DCUN1D4: variants seen among roughly 807,000 people sequenced by gnomAD.
DCUN1D4 encodes the protein DCN1-like protein 4.
A neutral mutation model predicts 47.9 loss-of-function variants in DCUN1D4; 22 were observed. That is an observed-to-expected ratio of 0.46 (90% CI 0.33 to 0.66). DCUN1D4 has a LOEUF of 0.66. DCUN1D4 is among the 30% of genes least tolerant of loss of function. The pLI, the probability that DCUN1D4 is intolerant of heterozygous loss-of-function variation, is 0.02. For synonymous variants in DCUN1D4, 121 were observed against 112.2 expected, an observed-to-expected ratio of 1.08 and a Z score of -0.50; for missense variants, 301 against 340.8, an observed-to-expected ratio of 0.88 and a Z score of 0.92.
chr4:51,898,230 G>A (rs1168439098), intron 7 of DCUN1D4, among the ~76,000 whole-genome samples: 7 of 152,204 alleles, frequency 4.6e-5, no homozygotes, highest in Admixed American at 3.3e-4. Flanking sequence ...AGTGGGCTCC[G>A]CTAAGCAGGT....
chr4:51,842,266 C>T (rs1721725870), upstream of DCUN1D4, among the ~76,000 whole-genome samples: 1 of 152,122 alleles, frequency 6.6e-6, no homozygotes, highest in South Asian at 2.1e-4. Context: ...GCCCCCTGGA[C>T]TCGTCCATGT....
intron 1 of DCUN1D4, among the ~76,000 whole-genome samples, chr4:51,851,643 A>C (rs957540721): frequency 6.6e-6 from 1 of 152,026 alleles, no homozygotes; most frequent in Admixed American, 6.6e-5. Flanking sequence ...TGAGAGAAGG[A>C]AAGAGAAGTC....
At chr4:51,897,291 A>G (rs1245686877) in intron 7 of DCUN1D4, among the ~76,000 whole-genome samples, 1 of 152,192 alleles carries the variant, frequency 6.6e-6, no homozygotes, top group Non-Finnish European at 1.5e-5. Flanking sequence ...TTATCATATC[A>G]ACAAAGAGAT....
At chr4:51,847,738 G>A (rs779144680) in intron 1 of DCUN1D4, among the ~76,000 whole-genome samples, 18 of 151,722 alleles carry the variant, frequency 1.2e-4, no homozygotes, top group Non-Finnish European at 1.6e-4. Flanking sequence ...ATAGATGCAC[G>A]CCACTGCACC....
At position 51,886,604 on chromosome 4, in the gene DCUN1D4, A is replaced by G; in HGVS notation, c.380A>G (p.Lys127Arg). 6.2e-7 allele frequency: 1 copy of G among 1,614,052 alleles called. No homozygotes were observed. Among genetic ancestry groups the G allele is most frequent in the South Asian group, 1.1e-5 (1 of 91,076 alleles). Reference protein sequence around the residue: ...DDVVGPEGMEKFCEDIGVEPE... With the variant: ...DDVVGPEGMERFCEDIGVEPE... Reference sequence around the variant, plus strand: ...GTTGTAGGCCCTGAAGGCATGGAGAAATTTTGTGAAGACATTGGTGTTGAA... The same window carrying G: ...GTTGTAGGCCCTGAAGGCATGGAGAGATTTTGTGAAGACATTGGTGTTGAA... The change falls in exon 6 of 11, where the codon AAA becomes AGA. Residue 127 changes from lysine (K) to arginine (R), a missense_variant. This residue lies in a region of DCUN1D4 where 170 missense variants were observed against 234.5 expected (regional missense o/e 0.73). Coordinates refer to ENST00000334635, the MANE Select transcript of DCUN1D4 (RefSeq NM_001040402.3).
At chr4:51,878,084 A>G (rs1272751269) in intron 5 of DCUN1D4, 4 of 277,472 alleles carry the variant, frequency 1.4e-5, no homozygotes, top group African/African-American at 8.8e-5. Context: ...TGAAAAGATG[A>G]AATGACTTGG....
intron 5 of DCUN1D4, among the ~76,000 whole-genome samples, chr4:51,879,652 G>A (rs1187373851): frequency 1.3e-5 from 2 of 152,204 alleles, no homozygotes. Context: ...TCTGTAAATA[G>A]GTTCTGAATG....
At chr4:51,864,846 A>G (rs897104818) in intron 3 of DCUN1D4, among the ~76,000 whole-genome samples, 2 of 152,194 alleles carry the variant, frequency 1.3e-5, no homozygotes, top group African/African-American at 4.8e-5. Flanking sequence ...TGAATAGCAC[A>G]AAAGTAAATA....
intron 6 of DCUN1D4, among the ~76,000 whole-genome samples, chr4:51,887,980 A>T (rs1334466666): frequency 6.7e-6 from 1 of 148,998 alleles, no homozygotes; most frequent in Non-Finnish European, 1.5e-5. Flanking sequence ...AGGTTTGGGG[A>T]CACCTGGGTC....
intron 7 of DCUN1D4, among the ~76,000 whole-genome samples, chr4:51,897,389 A>G (rs894098229): frequency 6.6e-6 from 1 of 152,184 alleles, no homozygotes; most frequent in African/African-American, 2.4e-5. Flanking sequence ...ATTATGAACC[A>G]TTTTAGTTCA....
chr4:51,904,821 A>G (rs982085997), intron 8 of DCUN1D4, among the ~76,000 whole-genome samples: 1 of 152,068 alleles, frequency 6.6e-6, no homozygotes, highest in Non-Finnish European at 1.5e-5. Flanking sequence ...GTTTTTTCCT[A>G]CTAGAAAAGT....
chr4:51,881,635 A>G (rs1728632351), intron 5 of DCUN1D4, among the ~76,000 whole-genome samples: 1 of 148,896 alleles, frequency 6.7e-6, no homozygotes, highest in Non-Finnish European at 1.5e-5. Flanking sequence ...AGGGCATTTT[A>G]TAGCTTATTA....
At position 51,848,279 on chromosome 4, in the gene DCUN1D4, C is replaced by T; in HGVS notation, c.25+5012C>T. On this transcript the variant is annotated intron_variant, in intron 1 of 10. Transcript: ENST00000334635. ...AAATGCTGGTGATGTGCTGAGGGAACAGAAGGAGTGTTTGTGAATGTGCAC... is the reference window on the plus strand; with the variant it reads ...AAATGCTGGTGATGTGCTGAGGGAATAGAAGGAGTGTTTGTGAATGTGCAC... The T allele has an allele frequency of 2.3e-6, 3 of 1,289,224 alleles. No homozygotes were observed. In the South Asian group the frequency reaches 3.7e-5, roughly 16 times the overall value. The allele number at this position is 1,289,224 out of a possible 1,614,324, so 79.9% of individuals were successfully genotyped here.
In DCUN1D4 at chr4:51,913,334, CCTA is replaced by C; in HGVS notation, c.766_768del (p.Leu256del). 6.2e-7 allele frequency: 1 copy of C among 1,612,672 alleles called. No homozygotes were observed. Among genetic ancestry groups the C allele is most frequent in the Non-Finnish European group, 8.5e-7 (1 of 1,179,230 alleles). ...TTAATAAAGACCAGTGGTGCAATGTCCTAGAGTTTAGCAGAACAATTAATCTTG... is the reference window on the plus strand; with the variant it reads ...TTAATAAAGACCAGTGGTGCAATGTCGAGTTTAGCAGAACAATTAATCTTG... On this transcript the variant is annotated inframe_deletion, in exon 10 of 11. Coordinates refer to ENST00000334635, the MANE Select transcript of DCUN1D4 (RefSeq NM_001040402.3).
intron 1 of DCUN1D4, among the ~76,000 whole-genome samples, chr4:51,862,314 C>A (rs576174869): frequency 6.6e-6 from 1 of 152,246 alleles, no homozygotes; most frequent in Admixed American, 6.5e-5. Context: ...GGATGCCCAA[C>A]AAGCTTTAGA....
chr4:51,901,600 A>G (rs904729936), intron 8 of DCUN1D4, among the ~76,000 whole-genome samples: 2 of 152,148 alleles, frequency 1.3e-5, no homozygotes, highest in Non-Finnish European at 2.9e-5. Context: ...GGTCTGAGCC[A>G]TGTGCTTCTG....
upstream of DCUN1D4, among the ~76,000 whole-genome samples, chr4:51,841,428 C>G (rs1396981669): frequency 1.3e-5 from 2 of 152,170 alleles, no homozygotes; most frequent in African/African-American, 4.8e-5. Flanking sequence ...AAGCAATCCC[C>G]TATCTCAGAG....
At chr4:51,845,185 AGT>A in intron 1 of DCUN1D4, 1 of 985,496 alleles carries the variant, frequency 1.0e-6, no homozygotes, top group South Asian at 4.7e-5. Flanking sequence ...TTTGGCATCC[AGT>A]GTGTGTAAGC....
chr4:51,853,183 G>A (rs1355236290), intron 1 of DCUN1D4, among the ~76,000 whole-genome samples: 5 of 152,176 alleles, frequency 3.3e-5, no homozygotes, highest in Non-Finnish European at 7.3e-5. Context: ...TCCCTTGGGC[G>A]GATGGTTTCT....
Sources: allele counts gnomAD v4.1 joint callset (sites outside exome capture counted in the v4.1 genomes callset), GRCh38; gene constraint gnomAD v4.1.1; regional missense constraint gnomAD v4.1.1; transcripts MANE v1.5; gene names NCBI Gene and HGNC (gene_info 2026-07-23, HGNC 2026-07-21).